Variants in SMYD3 observed in about 807,000 individuals in gnomAD.
SMYD3 encodes the protein histone-lysine N-methyltransferase SMYD3.
SMYD3 carries 36 observed loss-of-function variants against 57.7 expected under a neutral mutation model. The ratio of observed to expected loss-of-function variants is 0.62; its 90% CI spans 0.48 to 0.82. The LOEUF (loss-of-function observed/expected upper bound fraction) is 0.82. Among genes scored for constraint, SMYD3 ranks in the 40% least tolerant of loss-of-function variants. The pLI, the probability that SMYD3 is intolerant of heterozygous loss-of-function variation, is 0.00. For missense variants in SMYD3, 515 were observed against 538.8 expected (o/e 0.96, Z 0.44); for synonymous variants, 211 against 195.0 (o/e 1.08, Z -0.68).
At position 245,994,908 on chromosome 1, in the gene SMYD3, C is replaced by T. The variant is rs138238976; in HGVS notation, c.532-64971G>A. On this transcript the variant is annotated intron_variant, in intron 5 of 11. Coordinates refer to ENST00000490107, the MANE Select transcript of SMYD3 (RefSeq NM_001167740.2). ...TTGGGAGGCCGAGGTGGGTGGATCA[C>T]AAGGTCAAGAGATTGAGACCATCCT... 7.9e-3 allele frequency among the ~76,000 whole-genome samples: 1,208 copies of T among 152,084 alleles called. 20 individuals are homozygous for T. The highest frequency in any genetic ancestry group is 0.028 in the African/African-American group (1,151 of 41,498).
At chr1:246,500,588 ATCAGGACCAGTTACTAC>A (rs1407647075) in intron 1 of SMYD3, among the ~76,000 whole-genome samples, 20 of 152,354 alleles carry the variant, frequency 1.3e-4, no homozygotes, top group South Asian at 6.2e-4. Flanking sequence ...CATTTGGGGA[ATCAGGACCAGTTACTAC>A]TGGCAGCAAA....
At chr1:246,056,700 T>C (rs1429344766) in intron 5 of SMYD3, among the ~76,000 whole-genome samples, 1 of 142,022 alleles carries the variant, frequency 7.0e-6, no homozygotes, top group Non-Finnish European at 1.5e-5. Flanking sequence ...ATTACCCTGA[T>C]TTGATCATTA....
At chr1:245,850,078 T>C (rs939410771) in intron 10 of SMYD3, among the ~76,000 whole-genome samples, 1 of 152,144 alleles carries the variant, frequency 6.6e-6, no homozygotes, top group African/African-American at 2.4e-5. Context: ...AAGGAATTGA[T>C]ATCCTTGTCC....
chr1:246,288,062 CTTTTTTTTTTTTTT>C (rs67603439), intron 5 of SMYD3, among the ~76,000 whole-genome samples: 3 of 64,208 alleles, frequency 4.7e-5, no homozygotes, highest in African/African-American at 6.7e-5. Context: ...TCAGGTAATT[CTTTTTTTTTTTTTT>C]TTTTTTTTTT....
At position 245,846,171 on chromosome 1, in the gene SMYD3, C is replaced by A. The variant is rs1248579131; in HGVS notation, c.1076+12325G>T. 6.6e-5 allele frequency among the ~76,000 whole-genome samples: 10 copies of A among 152,296 alleles called. No homozygotes were observed. In the East Asian group the frequency reaches 1.9e-3, roughly 29 times the overall value. ...AGACTGTGAGGAAGAATGAGGACAGCATCCAGGAAGGGAAGGAAGGAGGGA... is the reference window on the plus strand; with the variant it reads ...AGACTGTGAGGAAGAATGAGGACAGAATCCAGGAAGGGAAGGAAGGAGGGA... On this transcript the variant is annotated intron_variant, in intron 10 of 11. Coordinates refer to ENST00000490107, the MANE Select transcript of SMYD3 (RefSeq NM_001167740.2).
rs114208079 is a variant in SMYD3, at chr1:245,829,836, A to G, written c.1076+28660T>C. ...CATGCCACAACATGCATGAACCTTG[A>G]AACTATGCTAAGTGAAATAAGTCAG... On this transcript the variant is annotated intron_variant, in intron 10 of 11. Transcript: ENST00000490107. Among the ~76,000 whole-genome samples, 567 of 152,314 alleles carry G rather than the reference A, an allele frequency of 3.7e-3. 3 individuals are homozygous for G. Among genetic ancestry groups the G allele is most frequent in the African/African-American group, 0.013 (536 of 41,574 alleles).
intron 5 of SMYD3, among the ~76,000 whole-genome samples, chr1:246,240,360 T>C (rs1003954995): frequency 6.6e-6 from 1 of 152,204 alleles, no homozygotes; most frequent in African/African-American, 2.4e-5. Flanking sequence ...CTTTCCCCCA[T>C]TTCTTGTTTT....
rs148979781 is a variant in SMYD3 at position 245,791,557 on chromosome 1, TA to T, written c.1077-27409del. Among the ~76,000 whole-genome samples, 908 of 136,424 alleles carry T rather than the reference TA, an allele frequency of 6.7e-3. 9 individuals carry two copies. The highest frequency in any genetic ancestry group is 0.023 in the African/African-American group (826 of 36,268). 89.5% of individuals were successfully genotyped at this position (136,424 alleles called of 152,430 possible). A position where few individuals can be genotyped will look rare whatever the true frequency, so the allele number is the denominator to read the frequency against. ...CAGCCAGACAGATTATCATTTTCTG[TA>T]AGTAACAAGTTTATCTACCTCTTAG... On this transcript the variant is annotated intron_variant, in intron 10 of 11. Coordinates refer to ENST00000490107, the MANE Select transcript of SMYD3 (RefSeq NM_001167740.2).
chr1:245,937,851 C>T (rs12566398), intron 5 of SMYD3, among the ~76,000 whole-genome samples: 20,776 of 152,178 alleles, frequency 0.14, 1,883 homozygotes, highest in East Asian at 0.51. Flanking sequence ...AGTACCAGGA[C>T]GCCTCACTGT....
chr1:245,843,546 G>A (rs994866609), intron 10 of SMYD3, among the ~76,000 whole-genome samples: 1,685 of 19,346 alleles, frequency 0.087, 22 homozygotes, highest in East Asian at 0.49. Context: ...ATATATGTGT[G>A]TGTGTGTGTG....
Position 245,987,631 on chromosome 1 carries a change from T to C in SMYD3, c.532-57694A>G, listed in dbSNP as rs558399571. Reference sequence around the variant, plus strand: ...TAATTTAAATTGATTATTCCCACTTTATAAATATGAAAACTAAGACTTAGC... The same window carrying C: ...TAATTTAAATTGATTATTCCCACTTCATAAATATGAAAACTAAGACTTAGC... On this transcript the variant is annotated intron_variant, in intron 5 of 11. Coordinates refer to ENST00000490107, the MANE Select transcript of SMYD3 (RefSeq NM_001167740.2). 3.3e-5 allele frequency among the ~76,000 whole-genome samples: 5 copies of C among 152,350 alleles called. No individual in the cohort carries two copies. The South Asian group carries it at 8.3e-4, about 25-fold the overall frequency.
chr1:246,218,753 A>G (rs1490769936), intron 5 of SMYD3, among the ~76,000 whole-genome samples: 1 of 152,242 alleles, frequency 6.6e-6, no homozygotes, highest in East Asian at 1.9e-4. Context: ...TTATTTAACA[A>G]AACAAAAAAG....
At chr1:246,136,521 A>G (rs1411659234) in intron 5 of SMYD3, among the ~76,000 whole-genome samples, 2 of 152,224 alleles carry the variant, frequency 1.3e-5, no homozygotes, top group Non-Finnish European at 2.9e-5. Flanking sequence ...AAAATGCAGG[A>G]TAGAAGCAGG....
chr1:246,381,290 T>G (rs2066382107), intron 1 of SMYD3, among the ~76,000 whole-genome samples: 1 of 152,184 alleles, frequency 6.6e-6, no homozygotes. Context: ...ATTAAAGAAG[T>G]GCCCAGCGAA....
chr1:246,383,240 C>T (rs1456067678), intron 1 of SMYD3, among the ~76,000 whole-genome samples: 1 of 152,250 alleles, frequency 6.6e-6, no homozygotes, highest in Non-Finnish European at 1.5e-5. Flanking sequence ...TCTGTTTACA[C>T]AGCAGGATCT....
Position 245,808,710 on chromosome 1 carries a change from C to T in SMYD3, c.1077-44561G>A, listed in dbSNP as rs185248074. Among the ~76,000 whole-genome samples the T allele has an allele frequency of 5.0e-4, 76 of 152,162 alleles. 1 individual carries two copies. The highest frequency in any genetic ancestry group is 4.7e-3 in the Admixed American group (72 of 15,286). ...CAGCCTCTTCTTGGGGATGCTGTCCCATCCCAGGACAGTGCTTTTTTTTGG... is the reference window on the plus strand; with the variant it reads ...CAGCCTCTTCTTGGGGATGCTGTCCTATCCCAGGACAGTGCTTTTTTTTGG... On this transcript the variant is annotated intron_variant, in intron 10 of 11. Transcript: ENST00000490107.
chr1:246,132,315 T>A (rs2061601132), intron 5 of SMYD3, among the ~76,000 whole-genome samples: 2 of 152,200 alleles, frequency 1.3e-5, no homozygotes, highest in South Asian at 4.1e-4. Flanking sequence ...AATTGGGTTA[T>A]GAAAAAAACA....
chr1:246,102,278 C>T (rs79573760), intron 5 of SMYD3, among the ~76,000 whole-genome samples: 1,969 of 152,238 alleles, frequency 0.013, 42 homozygotes, highest in African/African-American at 0.045. Flanking sequence ...TTTAGTCTGT[C>T]CCCAATATTG....
chr1:246,397,366 T>C (rs2066690175), intron 1 of SMYD3, among the ~76,000 whole-genome samples: 2 of 152,184 alleles, frequency 1.3e-5, no homozygotes, highest in Admixed American at 1.3e-4. Flanking sequence ...AACCAGTCCC[T>C]GGTGCCAAAA....
Sources: gnomAD v4.1 joint callset for allele counts (sites outside exome capture counted in the v4.1 genomes callset) on GRCh38, gnomAD v4.1.1 for gene constraint, MANE v1.5 for transcripts, NCBI Gene and HGNC (gene_info 2026-07-23, HGNC 2026-07-21) for gene names.